CEP85L: variants seen among roughly 807,000 people sequenced by gnomAD.
CEP85L encodes centrosomal protein of 85 kDa-like.
Under a neutral mutation model 100.3 loss-of-function variants are expected in CEP85L, and 60 were observed. The observed-to-expected ratio is 0.60, with a 90% confidence interval of 0.49 to 0.74. The LOEUF (loss-of-function observed/expected upper bound fraction) is 0.74, where lower values mean the gene tolerates loss of function less well. Ranked by LOEUF, CEP85L falls within the 30% of genes least tolerant of loss-of-function variation. CEP85L has a pLI of 0.00. For synonymous variants in CEP85L, 319 were observed against 322.7 expected, an observed-to-expected ratio of 0.99 and a Z score of 0.12; for missense variants, 973 against 936.2, an observed-to-expected ratio of 1.04 and a Z score of -0.51.
chr6:118,559,286 T>G, intron 3 of CEP85L: 1 of 576,066 alleles, frequency 1.7e-6, no homozygotes, highest in Non-Finnish European at 3.2e-6. Context: ...GGCTTTATTT[T>G]CAAAAATTAA....
intron 2 of CEP85L, among the ~76,000 whole-genome samples, chr6:118,586,870 T>C (rs753659182): frequency 7.2e-5 from 11 of 152,204 alleles, no homozygotes; most frequent in Non-Finnish European, 1.0e-4. Flanking sequence ...TAGAACTATA[T>C]ACTGTAGCAC....
chr6:118,484,447 G>A (rs1212603951), intron 6 of CEP85L, among the ~76,000 whole-genome samples: 1 of 152,222 alleles, frequency 6.6e-6, no homozygotes, highest in Non-Finnish European at 1.5e-5. Context: ...GGGCAGTAAT[G>A]ACATAGTTTT....
intron 1 of CEP85L, among the ~76,000 whole-genome samples, chr6:118,635,763 T>C (rs566282990): frequency 1.8e-3 from 271 of 152,296 alleles, no homozygotes; most frequent in African/African-American, 3.3e-3. Flanking sequence ...CTCCACCCTA[T>C]TGATTGTTGA....
At position 118,589,176 on chromosome 6, in the gene CEP85L, A is replaced by G. The variant is rs992768319; in HGVS notation, c.233-22860T>C. 6 of 249,348 alleles carry G rather than the reference A, an allele frequency of 2.4e-5. No homozygotes were observed. In the Admixed American group the frequency reaches 2.5e-4, roughly 10 times the overall value. The allele number at this position is 249,348 out of a possible 1,614,324, so 15.4% of individuals were successfully genotyped here. On this transcript the variant is annotated intron_variant, in intron 2 of 12. Transcript: ENST00000368491. ...ATTGCCAGATACTTATCTAATAAAGAGTGGGGAAAGCTGAAAAACTCAGAG... is the reference window on the plus strand; with the variant it reads ...ATTGCCAGATACTTATCTAATAAAGGGTGGGGAAAGCTGAAAAACTCAGAG...
intron 8 of CEP85L, among the ~76,000 whole-genome samples, chr6:118,480,802 C>T (rs1378350855): frequency 2.0e-5 from 3 of 152,118 alleles, no homozygotes; most frequent in East Asian, 3.9e-4. Flanking sequence ...CCTTCATTAC[C>T]CAAATCTGAG....
intron 1 of CEP85L, among the ~76,000 whole-genome samples, chr6:118,648,035 CT>C (rs1363516576): frequency 6.6e-6 from 1 of 152,090 alleles, no homozygotes; most frequent in African/African-American, 2.4e-5. Flanking sequence ...CGGTGGATCA[CT>C]TGAGGCCAGG....
At chr6:118,704,165 C>CTACT (rs1777517374) in intron 1 of CEP85L, among the ~76,000 whole-genome samples, 1 of 152,192 alleles carries the variant, frequency 6.6e-6, no homozygotes, top group African/African-American at 2.4e-5. Flanking sequence ...AATTATTGAC[C>CTACT]TACTCTGGGC....
At chr6:118,542,900 C>CAAAAAAAAAGAAAAAAAA (rs1777975996) in intron 3 of CEP85L, among the ~76,000 whole-genome samples, 1 of 67,136 alleles carries the variant, frequency 1.5e-5, no homozygotes, top group Non-Finnish European at 2.9e-5. Context: ...CAAGTTTTCC[C>CAAAAAAAAAGAAAAAAAA]AAAAAAAAAA....
intron 2 of CEP85L, among the ~76,000 whole-genome samples, chr6:118,583,895 T>A (rs151031997): frequency 7.2e-5 from 11 of 152,314 alleles, no homozygotes; most frequent in African/African-American, 2.6e-4. Context: ...CCCTGTTAAC[T>A]CAAATACCTG....
At chr6:118,473,747 AAGG>A (rs1410964385) in intron 10 of CEP85L, among the ~76,000 whole-genome samples, 2 of 152,118 alleles carry the variant, frequency 1.3e-5, no homozygotes, top group Non-Finnish European at 2.9e-5. Flanking sequence ...TGGAGGAGGC[AAGG>A]AGAAGAGGTC....
chr6:118,665,606 T>G (rs1457508184), intron 1 of CEP85L, among the ~76,000 whole-genome samples: 1 of 151,950 alleles, frequency 6.6e-6, no homozygotes, highest in African/African-American at 2.4e-5. Flanking sequence ...CAATCCTCCC[T>G]CCTAGGCCTC....
chr6:118,666,607 G>A (rs1776141162), intron 1 of CEP85L, among the ~76,000 whole-genome samples: 1 of 152,126 alleles, frequency 6.6e-6, no homozygotes, highest in South Asian at 2.1e-4. Context: ...CATAGTGGCA[G>A]CTAACACATG....
At chr6:118,667,665 T>G (rs1776173213) in intron 1 of CEP85L, among the ~76,000 whole-genome samples, 1 of 152,216 alleles carries the variant, frequency 6.6e-6, no homozygotes, top group Non-Finnish European at 1.5e-5. Flanking sequence ...TTTTCATTCA[T>G]TTCTCTATTC....
chr6:118,615,688 G>A (rs1169895776), intron 2 of CEP85L, among the ~76,000 whole-genome samples: 1 of 152,184 alleles, frequency 6.6e-6, no homozygotes, highest in African/African-American at 2.4e-5. Flanking sequence ...GGACCAAATG[G>A]TATCAGCTTG....
At chr6:118,488,516 T>A (rs2114585633) in intron 6 of CEP85L, among the ~76,000 whole-genome samples, 1 of 151,572 alleles carries the variant, frequency 6.6e-6, no homozygotes. Context: ...AATAAAAAAG[T>A]AAAGAAAGCT....
In CEP85L at chr6:118,565,674, G is replaced by T; in HGVS notation, c.875C>A (p.Pro292His). Reference sequence around the variant, plus strand: ...AAGCCACATCTGAGTCCTTACGGAAGGCTGAATGGGAACTCCACCTACTGC... The same window carrying T: ...AAGCCACATCTGAGTCCTTACGGAATGCTGAATGGGAACTCCACCTACTGC... ...QQAVGGVPIQPSVRTQMWLTE... is the reference protein window; with the variant it reads ...QQAVGGVPIQHSVRTQMWLTE... The change falls in exon 3 of 13, where the codon CCT becomes CAT. Residue 292 changes from proline (P) to histidine (H), a missense_variant. Pro to His is a moderately conservative substitution (Grantham distance 77, BLOSUM62 -2). Coordinates refer to ENST00000368491, the MANE Select transcript of CEP85L (RefSeq NM_001042475.3). The T allele has an allele frequency of 6.2e-7, 1 of 1,614,178 alleles. No individual in the cohort carries two copies. Among genetic ancestry groups the T allele is most frequent in the Admixed American group, 1.7e-5 (1 of 60,024 alleles).
At chr6:118,483,903 A>G in intron 6 of CEP85L, 45 bp from the exon 7 acceptor site, 1 of 1,572,950 alleles carries the variant, frequency 6.4e-7, no homozygotes, top group Non-Finnish European at 8.6e-7. Flanking sequence ...TCAGTCATTA[A>G]AAGATATAAC....
chr6:118,605,803 G>A (rs763372592), intron 2 of CEP85L, among the ~76,000 whole-genome samples: 13 of 152,116 alleles, frequency 8.5e-5, no homozygotes, highest in Non-Finnish European at 1.8e-4. Flanking sequence ...ACGAGGTCAG[G>A]AGATCGAGGC....
chr6:118,611,959 A>G (rs952617168), intron 2 of CEP85L, among the ~76,000 whole-genome samples: 2 of 152,258 alleles, frequency 1.3e-5, no homozygotes, highest in Admixed American at 1.3e-4. Flanking sequence ...AAAATCATCA[A>G]GTATACAGAA....
Sources: allele counts gnomAD v4.1 joint callset (sites outside exome capture counted in the v4.1 genomes callset), GRCh38; gene constraint gnomAD v4.1.1; transcripts MANE v1.5; gene names NCBI Gene and HGNC (gene_info 2026-07-23, HGNC 2026-07-21).